Variants in REV1 observed in about 807,000 individuals in gnomAD.
REV1 encodes the protein REV1 DNA directed polymerase, also known as translesion synthesis protein REV1.
A neutral mutation model predicts 137.4 loss-of-function variants in REV1; 42 were observed. The observed-to-expected ratio is 0.31, with a 90% CI of 0.24 to 0.40. REV1 has a LOEUF of 0.40. Among genes scored for constraint, REV1 ranks in the 10% least tolerant of loss-of-function variants. The pLI is 1.00. For missense variants in REV1, 1,282 were observed against 1,490.1 expected, an observed-to-expected ratio of 0.86 and a Z score of 2.30; for synonymous variants, 524 against 519.2, an observed-to-expected ratio of 1.01 and a Z score of -0.12.
chr2:99,479,590 G>C lies in REV1; in HGVS notation c.-11+10227C>G, dbSNP rs1166567442. On this transcript the variant is annotated intron_variant, in intron 1 of 22. Coordinates refer to ENST00000258428, the MANE Select transcript of REV1 (RefSeq NM_016316.4). ...CAAGGTGGGAAGATCTCTTGCGTGAGACCAGCCTGAGCAACACAGCAAGAC... is the reference window on the plus strand; with the variant it reads ...CAAGGTGGGAAGATCTCTTGCGTGACACCAGCCTGAGCAACACAGCAAGAC... Among the ~76,000 whole-genome samples the C allele has an allele frequency of 3.9e-5, 6 of 151,908 alleles. No individual in the cohort carries two copies. The East Asian group carries it at 7.7e-4, about 20-fold the overall frequency.
At chr2:99,461,262 C>T (rs1013832038) in intron 3 of REV1, among the ~76,000 whole-genome samples, 8 of 152,152 alleles carry the variant, frequency 5.3e-5, no homozygotes, top group Non-Finnish European at 1.2e-4. Context: ...ATAAATGTAC[C>T]AGTTAATTAA....
At chr2:99,473,952 C>G (rs1190932923) in intron 1 of REV1, among the ~76,000 whole-genome samples, 2 of 152,120 alleles carry the variant, frequency 1.3e-5, no homozygotes, top group Admixed American at 1.3e-4. Context: ...CTAGGTGTTC[C>G]TTTTCAAAAA....
intron 1 of REV1, among the ~76,000 whole-genome samples, chr2:99,472,126 T>A (rs1219477671): frequency 6.6e-6 from 1 of 152,148 alleles, no homozygotes; most frequent in African/African-American, 2.4e-5. Flanking sequence ...TAAGCATTAT[T>A]CACAATAGCC....
chr2:99,421,492 T>G lies in REV1; in HGVS notation c.1831+7A>C. ...TCTTTTGAGTACAAGATAAGCTAGA[T>G]ACTAACCAATTCCAACAGAGGCAGC... On this transcript the variant is annotated splice_region_variant and intron_variant, in intron 11 of 22. Transcript: ENST00000258428. The G allele has an allele frequency of 6.2e-7, 1 of 1,613,150 alleles. No individual in the cohort carries two copies. The highest frequency in any genetic ancestry group is 8.5e-7 in the Non-Finnish European group (1 of 1,179,470).
At chr2:99,409,092 G>C (rs1395369516) in intron 14 of REV1, among the ~76,000 whole-genome samples, 1 of 152,146 alleles carries the variant, frequency 6.6e-6, no homozygotes, top group Non-Finnish European at 1.5e-5. Context: ...CTGGGCAACA[G>C]AGCGAGATCC....
Position 99,490,009 on chromosome 2 carries a change from C to T in REV1, c.-203G>A, listed in dbSNP as rs1484432582. On this transcript the variant is annotated 5_prime_UTR_variant, in exon 1 of 23. Coordinates refer to ENST00000258428, the MANE Select transcript of REV1 (RefSeq NM_016316.4). ...GGCAACCAACCCCGCGCGCGCTCCG[C>T]GGTGGCTCTCCGCCCCTCCCCCTCC... 1 of 149,424 alleles carries T rather than the reference C, an allele frequency of 6.7e-6. No homozygotes were observed. 9.3% of individuals were successfully genotyped at this position (149,424 alleles called of 1,614,324 possible).
At chr2:99,431,528 AACTG>A (rs1230955112) in intron 8 of REV1, among the ~76,000 whole-genome samples, 2 of 142,764 alleles carry the variant, frequency 1.4e-5, no homozygotes, top group African/African-American at 5.9e-5. Context: ...AGCCACAACC[AACTG>A]TCTTTCCAAG....
intron 3 of REV1, 137 bp from the exon 4 acceptor site, chr2:99,449,641 G>A (rs529180640): frequency 4.7e-6 from 2 of 424,798 alleles, no homozygotes; most frequent in East Asian, 7.3e-5. Flanking sequence ...AGTAAACAAA[G>A]CTGGGAGGTA....
chr2:99,456,824 G>T (rs1037763525), intron 3 of REV1, among the ~76,000 whole-genome samples: 1 of 152,228 alleles, frequency 6.6e-6, no homozygotes, highest in Non-Finnish European at 1.5e-5. Context: ...GTTCACAGAA[G>T]TGAGGAGGGA....
At chr2:99,447,162 C>CT (rs752190451) in intron 4 of REV1, among the ~76,000 whole-genome samples, 1,946 of 142,848 alleles carry the variant, frequency 0.014, 30 homozygotes, top group African/African-American at 0.043. Flanking sequence ...ATTTATTTGA[C>CT]TTTTTTTTTT....
intron 12 of REV1, among the ~76,000 whole-genome samples, chr2:99,416,912 C>CAAAAAAAAAA (rs755184253): frequency 9.9e-4 from 77 of 77,758 alleles, no homozygotes; most frequent in African/African-American, 2.2e-3. Flanking sequence ...GACTCCATCT[C>CAAAAAAAAAA]AAAAAAAAAA....
intron 3 of REV1, among the ~76,000 whole-genome samples, chr2:99,457,937 TA>T (rs60024285): frequency 0.15 from 21,865 of 143,522 alleles, 1,711 homozygotes; most frequent in East Asian, 0.25. Flanking sequence ...AATCCACAAA[TA>T]AAAAAAAAAA....
intron 2 of REV1, 59 bp from the exon 3 acceptor site, chr2:99,462,681 GA>G (rs945379043): frequency 3.0e-3 from 4,038 of 1,365,968 alleles, no homozygotes; most frequent in South Asian, 3.2e-3. Flanking sequence ...CCCCTTTTTT[GA>G]AAAAAAAAAA....
intron 10 of REV1, 115 bp from the exon 11 acceptor site, chr2:99,421,768 T>A: frequency 8.7e-7 from 1 of 1,147,048 alleles, no homozygotes; most frequent in Non-Finnish European, 1.2e-6. Flanking sequence ...CAAAGCATTT[T>A]AAATGAATTG....
At chr2:99,462,738 C>T (rs1335825143) in intron 2 of REV1, 116 bp from the exon 3 acceptor site, 7 of 1,036,866 alleles carry the variant, frequency 6.8e-6, no homozygotes, top group Middle Eastern at 4.4e-4. Context: ...GTGCTAGTGA[C>T]CAGAACATAA....
chr2:99,478,779 A>G (rs1411728408), intron 1 of REV1, among the ~76,000 whole-genome samples: 1 of 152,156 alleles, frequency 6.6e-6, no homozygotes, highest in African/African-American at 2.4e-5. Context: ...CCCCAACTCC[A>G]ACGTTTCTGA....
chr2:99,404,720 C>G (rs775569337), intron 17 of REV1, 43 bp from the exon 18 acceptor site: 1 of 1,380,200 alleles, frequency 7.2e-7, no homozygotes, highest in Non-Finnish European at 1.0e-6. Context: ...AAAGCATGCT[C>G]AGAGATGAGG....
At position 99,439,064 on chromosome 2, in the gene REV1, G is replaced by C; in HGVS notation, c.750C>G (p.Ala250=). 1 of 1,614,066 alleles carries C rather than the reference G, an allele frequency of 6.2e-7. No homozygotes were observed. The highest frequency in any genetic ancestry group is 1.1e-5 in the South Asian group (1 of 91,064). Residue 250 remains alanine, a synonymous_variant, in exon 6 of 23, where the codon GCC becomes GCG. Transcript: ENST00000258428. ...GGGAAAAGGCTGGAGAAAGCCTGCT[G>C]GCAACACTGTTGACCATGGGCACCA... ...DCLVPMVNSV[A]SRLSPAFSQE... is the part of the protein sequence containing the mutation.
At chr2:99,463,636 A>AT (rs1206299098) in intron 2 of REV1, among the ~76,000 whole-genome samples, 1 of 151,738 alleles carries the variant, frequency 6.6e-6, no homozygotes, top group African/African-American at 2.4e-5. Flanking sequence ...ATTTTATTTT[A>AT]TTTTTTTGAC....
Sources: allele counts gnomAD v4.1 joint callset (sites outside exome capture counted in the v4.1 genomes callset), GRCh38; gene constraint gnomAD v4.1.1; transcripts MANE v1.5; gene names NCBI Gene and HGNC (gene_info 2026-07-23, HGNC 2026-07-21).